Variants in GRM8 observed in about 807,000 individuals in gnomAD.
GRM8 encodes glutamate metabotropic receptor 8.
A neutral mutation model predicts 87.2 loss-of-function variants in GRM8; 47 were observed. The ratio of observed to expected loss-of-function variants is 0.54; its 90% confidence interval spans 0.43 to 0.69. GRM8 has a LOEUF of 0.69. Among genes scored for constraint, GRM8 ranks in the 30% least tolerant of loss-of-function variants. The probability of loss-of-function intolerance (pLI) is 0.00; values close to 1 mark genes in which losing one functional copy is unlikely to be tolerated. For missense variants in GRM8, 1,019 were observed against 1,139.2 expected (o/e 0.89, Z 1.52); for synonymous variants, 396 against 404.5 (o/e 0.98, Z 0.25).
At chr7:126,675,156 C>T (rs1806819606) in intron 7 of GRM8, among the ~76,000 whole-genome samples, 1 of 152,004 alleles carries the variant, frequency 6.6e-6, no homozygotes, top group Non-Finnish European at 1.5e-5. Context: ...TGATGCAAAC[C>T]AAACATTAGC....
At chr7:126,551,982 T>C (rs1792637306) in intron 8 of GRM8, among the ~76,000 whole-genome samples, 1 of 152,192 alleles carries the variant, frequency 6.6e-6, no homozygotes, top group African/African-American at 2.4e-5. Context: ...TCACATAAAA[T>C]GCCCATATGA....
At chr7:126,872,808 T>C (rs977357408) in intron 6 of GRM8, among the ~76,000 whole-genome samples, 3 of 152,214 alleles carry the variant, frequency 2.0e-5, no homozygotes, top group Middle Eastern at 3.4e-3. Flanking sequence ...CAGCATTTCA[T>C]CATCGAAGAA....
intron 2 of GRM8, among the ~76,000 whole-genome samples, chr7:127,122,385 C>T (rs1827136837): frequency 6.6e-6 from 1 of 151,746 alleles, no homozygotes; most frequent in Non-Finnish European, 1.5e-5. Flanking sequence ...CTTTCCAATT[C>T]TAAATTTCTA....
At chr7:126,577,037 C>T (rs1191922362) in intron 8 of GRM8, among the ~76,000 whole-genome samples, 1 of 152,186 alleles carries the variant, frequency 6.6e-6, no homozygotes, top group East Asian at 1.9e-4. Context: ...TCGTAGCTGT[C>T]CTGTTTCAGT....
chr7:126,983,819 G>C (rs1187517275), intron 3 of GRM8, among the ~76,000 whole-genome samples: 2 of 152,050 alleles, frequency 1.3e-5, no homozygotes, highest in African/African-American at 4.8e-5. Flanking sequence ...ACTCCACCAG[G>C]AAAAAAACCC....
intron 7 of GRM8, among the ~76,000 whole-genome samples, chr7:126,624,953 T>C (rs1419488): frequency 0.32 from 48,725 of 152,154 alleles, 8,433 homozygotes; most frequent in East Asian, 0.43. Flanking sequence ...AATCCACCAT[T>C]CCTTTAGCAT....
At chr7:126,908,812 C>T (rs1802970350) in intron 3 of GRM8, among the ~76,000 whole-genome samples, 1 of 152,206 alleles carries the variant, frequency 6.6e-6, no homozygotes, top group South Asian at 2.1e-4. Flanking sequence ...TGGAAAGAGG[C>T]ACTGGACTAT....
intron 2 of GRM8, among the ~76,000 whole-genome samples, chr7:127,199,190 A>AC (rs1417523805): frequency 2.0e-5 from 3 of 151,044 alleles, no homozygotes; most frequent in Non-Finnish European, 3.0e-5. Context: ...CCCCAGGCTG[A>AC]CCTCAAGTGA....
intron 7 of GRM8, among the ~76,000 whole-genome samples, chr7:126,662,729 T>C (rs756008622): frequency 1.1e-4 from 16 of 152,232 alleles, no homozygotes; most frequent in Non-Finnish European, 2.1e-4. Flanking sequence ...AAAAATATTC[T>C]ATTTTTTTTT....
chr7:126,697,486 T>C (rs1331876346), intron 7 of GRM8, among the ~76,000 whole-genome samples: 10 of 152,168 alleles, frequency 6.6e-5, no homozygotes, highest in African/African-American at 9.7e-5. Context: ...TAAATATATA[T>C]GTAATATACA....
chr7:127,087,397 A>T (rs1157594476), intron 3 of GRM8, among the ~76,000 whole-genome samples: 1 of 152,258 alleles, frequency 6.6e-6, no homozygotes, highest in Non-Finnish European at 1.5e-5. Context: ...AGAATCCTAG[A>T]CTTCACAGGT....
At chr7:126,765,506 G>A (rs961566442) in intron 7 of GRM8, among the ~76,000 whole-genome samples, 1 of 151,946 alleles carries the variant, frequency 6.6e-6, no homozygotes, top group Non-Finnish European at 1.5e-5. Flanking sequence ...GGAGTAGGGA[G>A]GTAGCTCTGA....
At chr7:126,901,218 T>C (rs1482433525) in intron 6 of GRM8, among the ~76,000 whole-genome samples, 1 of 152,206 alleles carries the variant, frequency 6.6e-6, no homozygotes, top group Non-Finnish European at 1.5e-5. Flanking sequence ...TGTCATATCT[T>C]TACATGACTG....
At chr7:126,781,159 A>G (rs1449804291) in intron 6 of GRM8, among the ~76,000 whole-genome samples, 1 of 152,180 alleles carries the variant, frequency 6.6e-6, no homozygotes, top group African/African-American at 2.4e-5. Context: ...CCTGCCAGCC[A>G]GATAACTGCA....
intron 3 of GRM8, among the ~76,000 whole-genome samples, chr7:127,038,161 A>G (rs972800021): frequency 1.3e-5 from 2 of 152,218 alleles, no homozygotes; most frequent in African/African-American, 4.8e-5. Context: ...GGAGACGTTG[A>G]CAGGAATCAT....
At chr7:126,505,078 A>G (rs1054387209) in intron 9 of GRM8, among the ~76,000 whole-genome samples, 4 of 152,064 alleles carry the variant, frequency 2.6e-5, no homozygotes, top group African/African-American at 7.2e-5. Flanking sequence ...GAACAGAAGA[A>G]GCAATTCTTG....
intron 3 of GRM8, among the ~76,000 whole-genome samples, chr7:126,924,600 TTTCC>T (rs1358139081): frequency 6.6e-6 from 1 of 152,174 alleles, no homozygotes; most frequent in African/African-American, 2.4e-5. Flanking sequence ...CCTCCTTTTC[TTTCC>T]TTCCTTTTTC....
At chr7:126,691,933 A>G (rs3808154) in intron 7 of GRM8, among the ~76,000 whole-genome samples, 28,878 of 152,198 alleles carry the variant, frequency 0.19, 2,975 homozygotes, top group Non-Finnish European at 0.23. Context: ...AATGACACAA[A>G]GAATGACAGA....
chr7:127,077,059 G>A (rs980347929), intron 3 of GRM8, among the ~76,000 whole-genome samples: 5 of 152,192 alleles, frequency 3.3e-5, no homozygotes, highest in Middle Eastern at 6.8e-3. Context: ...TATAGCCTTC[G>A]TTACTGTGTG....
Sources: gnomAD v4.1 joint callset for allele counts (sites outside exome capture counted in the v4.1 genomes callset) on GRCh38, gnomAD v4.1.1 for gene constraint, MANE v1.5 for transcripts, NCBI Gene and HGNC (gene_info 2026-07-23, HGNC 2026-07-21) for gene names.